Variants in RERG observed in about 807,000 individuals in gnomAD.
The protein encoded by RERG is RAS like estrogen regulated growth inhibitor.
RERG carries 25 observed loss-of-function variants against 23.2 expected under a neutral mutation model. The observed-to-expected ratio is 1.08, with a 90% CI of 0.79 to 1.50. The LOEUF is 1.50. RERG is among the 40% of genes most tolerant of loss of function. The pLI, the probability that RERG is intolerant of heterozygous loss-of-function variation, is 0.00. For synonymous variants in RERG, 81 were observed against 89.1 expected (o/e 0.91, Z 0.51); for missense variants, 253 against 250.1 (o/e 1.01, Z -0.08).
At chr12:15,190,796 C>G (rs1865059801) in intron 2 of RERG, among the ~76,000 whole-genome samples, 1 of 152,102 alleles carries the variant, frequency 6.6e-6, no homozygotes, top group Non-Finnish European at 1.5e-5. Flanking sequence ...CTGAACAGAA[C>G]CCTTTATCAT....
At chr12:15,136,134 T>C (rs1864140559) in intron 2 of RERG, among the ~76,000 whole-genome samples, 1 of 152,036 alleles carries the variant, frequency 6.6e-6, no homozygotes, top group Non-Finnish European at 1.5e-5. Context: ...AGATTGTGTC[T>C]TTCAGGGAAT....
chr12:15,182,008 C>G (rs1864929565), intron 2 of RERG, among the ~76,000 whole-genome samples: 1 of 151,558 alleles, frequency 6.6e-6, no homozygotes, highest in African/African-American at 2.4e-5. Context: ...GTTCACCAGA[C>G]AATCCTATCT....
chr12:15,113,218 ATC>A (rs1029189473), intron 3 of RERG, among the ~76,000 whole-genome samples: 2 of 152,196 alleles, frequency 1.3e-5, no homozygotes, highest in African/African-American at 2.4e-5. Flanking sequence ...ACTCTTAAAA[ATC>A]TAGAAAAAGT....
intron 2 of RERG, among the ~76,000 whole-genome samples, chr12:15,154,692 T>C (rs970939545): frequency 2.6e-5 from 4 of 152,292 alleles, no homozygotes; most frequent in Admixed American, 6.5e-5. Flanking sequence ...TCCTGCCAAA[T>C]AGGACAATCA....
intron 3 of RERG, among the ~76,000 whole-genome samples, chr12:15,114,147 T>TA (rs1863675203): frequency 6.6e-6 from 1 of 151,948 alleles, no homozygotes; most frequent in African/African-American, 2.4e-5. Context: ...CTGGATGAAT[T>TA]AGAGATCTAA....
intron 2 of RERG, among the ~76,000 whole-genome samples, chr12:15,194,000 T>A (rs1257796164): frequency 6.6e-6 from 1 of 152,090 alleles, no homozygotes; most frequent in African/African-American, 2.4e-5. Flanking sequence ...AGGATTTGAA[T>A]GTGAGATTTC....
At chr12:15,160,862 C>T (rs1474152106) in intron 2 of RERG, among the ~76,000 whole-genome samples, 4 of 150,932 alleles carry the variant, frequency 2.7e-5, no homozygotes, top group South Asian at 4.2e-4. Context: ...ATCGTCTGGG[C>T]GCAATGGCTC....
At chr12:15,161,137 A>AG (rs1491113161) in intron 2 of RERG, among the ~76,000 whole-genome samples, 2 of 146,572 alleles carry the variant, frequency 1.4e-5, no homozygotes, top group East Asian at 2.0e-4. Flanking sequence ...TCCATCTCAG[A>AG]AAAAGAAAGA....
chr12:15,152,341 C>A (rs1864457105), intron 2 of RERG, among the ~76,000 whole-genome samples: 1 of 152,212 alleles, frequency 6.6e-6, no homozygotes, highest in Non-Finnish European at 1.5e-5. Context: ...TAGATATGGA[C>A]TGATACTTCA....
intron 2 of RERG, among the ~76,000 whole-genome samples, chr12:15,177,471 C>T (rs1011157285): frequency 1.3e-5 from 2 of 151,986 alleles, no homozygotes; most frequent in Non-Finnish European, 2.9e-5. Context: ...AAAAAATTTA[C>T]AATTCATACA....
At chr12:15,146,532 AC>A (rs1864335743) in intron 2 of RERG, among the ~76,000 whole-genome samples, 2 of 152,204 alleles carry the variant, frequency 1.3e-5, no homozygotes, top group African/African-American at 4.8e-5. Flanking sequence ...AGATGAGGAA[AC>A]TGAGGTTTAC....
intron 2 of RERG, among the ~76,000 whole-genome samples, chr12:15,133,097 G>A (rs1334719933): frequency 1.5e-5 from 2 of 133,116 alleles, no homozygotes; most frequent in African/African-American, 5.8e-5. Context: ...TATTACCAAA[G>A]TCCATAGTTT....
At chr12:15,178,459 T>C (rs1864882053) in intron 2 of RERG, among the ~76,000 whole-genome samples, 1 of 152,182 alleles carries the variant, frequency 6.6e-6, no homozygotes, top group African/African-American at 2.4e-5. Context: ...TCCAAGACAA[T>C]ATCCATTTGG....
At chr12:15,217,700 A>C in intron 1 of RERG, 97 bp from the exon 2 acceptor site, 1 of 516,980 alleles carries the variant, frequency 1.9e-6, no homozygotes, top group South Asian at 2.3e-5. Flanking sequence ...CACTTTTTCA[A>C]CATTTTCTGG....
chr12:15,157,603 CAAAT>C (rs921500694), intron 2 of RERG, among the ~76,000 whole-genome samples: 6 of 152,128 alleles, frequency 3.9e-5, no homozygotes, highest in Non-Finnish European at 8.8e-5. Flanking sequence ...TACTTACAAA[CAAAT>C]AAAAACAATA....
chr12:15,185,103 T>C (rs188638062), intron 2 of RERG, among the ~76,000 whole-genome samples: 1 of 152,296 alleles, frequency 6.6e-6, no homozygotes, highest in Admixed American at 6.5e-5. Flanking sequence ...CTGATGGCTA[T>C]GTTTATATTA....
chr12:15,213,612 CTT>C (rs1865398411), intron 2 of RERG, among the ~76,000 whole-genome samples: 1 of 152,204 alleles, frequency 6.6e-6, no homozygotes, highest in Non-Finnish European at 1.5e-5. Context: ...CATGTAAACA[CTT>C]ATATATTACA....
At chr12:15,115,432 T>A (rs1215332393) in intron 3 of RERG, among the ~76,000 whole-genome samples, 1 of 152,032 alleles carries the variant, frequency 6.6e-6, no homozygotes, top group Non-Finnish European at 1.5e-5. Context: ...TCAAACACAT[T>A]AGACTCTGCA....
At chr12:15,199,676 GAC>G (rs143405412) in intron 2 of RERG, among the ~76,000 whole-genome samples, 7 of 151,612 alleles carry the variant, frequency 4.6e-5, no homozygotes, top group East Asian at 1.9e-4. Context: ...TATAGATACA[GAC>G]ACACACACAC....
Sources: allele counts gnomAD v4.1 joint callset (sites outside exome capture counted in the v4.1 genomes callset), GRCh38; gene constraint gnomAD v4.1.1; transcripts MANE v1.5; gene names NCBI Gene and HGNC (gene_info 2026-07-23, HGNC 2026-07-21).